The following CASS4 variants were observed in gnomAD, a reference collection of about 807,000 sequenced individuals.
CASS4 encodes cas scaffolding protein family member 4.
Under a neutral mutation model 54.2 loss-of-function variants are expected in CASS4, and 22 were observed. The observed-to-expected ratio is 0.41, with a 90% confidence interval of 0.29 to 0.58. CASS4 has a LOEUF of 0.58. Ranked by LOEUF, CASS4 falls within the 20% of genes least tolerant of loss-of-function variation. The pLI is 0.36. For synonymous variants in CASS4, 409 were observed against 391.5 expected (o/e 1.04, Z -0.53); for missense variants, 854 against 986.7 (o/e 0.87, Z 1.80).
In CASS4 at chr20:56,430,531, C is replaced by T. The variant is rs925199195; in HGVS notation, c.37-6633C>T. Among the ~76,000 whole-genome samples, 13 of 152,202 alleles carry T rather than the reference C, an allele frequency of 8.5e-5. No individual in the cohort carries two copies. The highest frequency in any genetic ancestry group is 3.1e-4 in the African/African-American group (13 of 41,438). ...CTATTTAAGAATACCTTGTGAGTGG[C>T]CTCAGCAACCATTGCAATGGTTACT... On this transcript the variant is annotated intron_variant, in intron 1 of 5. Coordinates refer to ENST00000679887, the MANE Select transcript of CASS4 (RefSeq NM_020356.4). The surrounding 1 kb of genome is among the most constrained non-coding windows in gnomAD (Gnocchi z 4.2).
At chr20:56,457,048 T>G (rs1981334279) in intron 5 of CASS4, among the ~76,000 whole-genome samples, 1 of 152,202 alleles carries the variant, frequency 6.6e-6, no homozygotes, top group African/African-American at 2.4e-5. Flanking sequence ...AATCTTTCCT[T>G]CACTTTCTAT....
chr20:56,421,771 G>A (rs1296403245), intron 1 of CASS4, among the ~76,000 whole-genome samples: 2 of 151,992 alleles, frequency 1.3e-5, no homozygotes, highest in African/African-American at 2.4e-5. Flanking sequence ...AATTGCTTAC[G>A]ACCCATCAAA....
chr20:56,445,759 A>T, intron 2 of CASS4, 141 bp from the exon 3 acceptor site: 1 of 599,648 alleles, frequency 1.7e-6, no homozygotes, highest in Non-Finnish European at 2.9e-6. Flanking sequence ...GAGAGTGAAG[A>T]GCCTGCCAGC....
rs1981067392 is a variant in CASS4 at position 56,452,374 on chromosome 20, G to C, written c.1198G>C (p.Gly400Arg). The change falls in exon 5 of 6, where the codon GGT becomes CGT. Residue 400 changes from glycine (G) to arginine (R), a missense_variant. Transcript: ENST00000679887. The stretch of plus-strand genomic sequence containing the variant: ...ATCTCCTGAACCGGACAGATTATCA[G>C]GTTCCAGTTCTGACAGCAGAGCTAG... ...SPSPEPDRLS[G>R]SSSDSRASIV... is the part of the protein sequence containing the mutation. The C allele has an allele frequency of 6.2e-7, 1 of 1,614,008 alleles. No homozygotes were observed. Among genetic ancestry groups the C allele is most frequent in the Non-Finnish European group, 8.5e-7 (1 of 1,180,042 alleles).
In CASS4 at chr20:56,442,044, CG is replaced by C. The variant is rs201945789; in HGVS notation, c.460-3852del. Among the ~76,000 whole-genome samples, 32 of 149,140 alleles carry C rather than the reference CG, an allele frequency of 2.1e-4. 1 individual carries two copies. The East Asian group carries it at 5.4e-3, about 25-fold the overall frequency. Reference sequence around the variant, plus strand: ...CCAAATGGAAGCGGCTGTTGGTAGACGGGGCAACTCTGAGCCACGGGTTTTG... The same window carrying C: ...CCAAATGGAAGCGGCTGTTGGTAGACGGGCAACTCTGAGCCACGGGTTTTG... On this transcript the variant is annotated intron_variant, in intron 2 of 5. Transcript: ENST00000679887.
At chr20:56,432,334 A>G (rs958250479) in intron 1 of CASS4, among the ~76,000 whole-genome samples, 3 of 146,002 alleles carry the variant, frequency 2.1e-5, no homozygotes, top group African/African-American at 7.5e-5. Flanking sequence ...TCTGCAAAGT[A>G]GCATGTAAGT....
intron 5 of CASS4, among the ~76,000 whole-genome samples, chr20:56,455,300 A>G (rs1981238000): frequency 6.6e-6 from 1 of 152,214 alleles, no homozygotes; most frequent in Non-Finnish European, 1.5e-5. Flanking sequence ...AAGCCAGTAG[A>G]AGTTAAGAGG....
At chr20:56,422,334 C>T (rs145988272) in intron 1 of CASS4, among the ~76,000 whole-genome samples, 176 of 152,300 alleles carry the variant, frequency 1.2e-3, no homozygotes, top group African/African-American at 4.2e-3. Flanking sequence ...GCCTGAGAGA[C>T]CTTTATTGTT....
intron 5 of CASS4, among the ~76,000 whole-genome samples, chr20:56,454,592 C>T (rs1981197145): frequency 6.6e-6 from 1 of 152,164 alleles, no homozygotes; most frequent in South Asian, 2.1e-4. Flanking sequence ...CTAAAGTGAA[C>T]TTAAACAGTT....
chr20:56,431,239 A>G (rs1979889639), intron 1 of CASS4, among the ~76,000 whole-genome samples: 2 of 152,238 alleles, frequency 1.3e-5, no homozygotes, highest in Admixed American at 1.3e-4. Flanking sequence ...AGTGCATCCA[A>G]CACAAAATAG....
intron 2 of CASS4, among the ~76,000 whole-genome samples, chr20:56,444,911 G>C (rs1367031180): frequency 2.0e-5 from 3 of 152,140 alleles, no homozygotes; most frequent in Admixed American, 2.0e-4. Flanking sequence ...GGGAGTTCAA[G>C]ACCAGCCCGA....
chr20:56,428,113 G>C (rs898615886), intron 1 of CASS4, among the ~76,000 whole-genome samples: 8 of 152,160 alleles, frequency 5.3e-5, no homozygotes, highest in Non-Finnish European at 8.8e-5. Flanking sequence ...AAGAAAGAAT[G>C]ATATTCTAGG....
At chr20:56,424,775 T>G (rs1979564581) in intron 1 of CASS4, among the ~76,000 whole-genome samples, 1 of 151,030 alleles carries the variant, frequency 6.6e-6, no homozygotes, top group Non-Finnish European at 1.5e-5. Flanking sequence ...CACAGGTTCT[T>G]TCTTGGGTAA....
intron 3 of CASS4, among the ~76,000 whole-genome samples, chr20:56,450,355 T>A (rs1980936356): frequency 6.6e-6 from 1 of 152,116 alleles, no homozygotes; most frequent in African/African-American, 2.4e-5. Flanking sequence ...CAAAGTCCAT[T>A]GTTGAATGTA....
intron 2 of CASS4, among the ~76,000 whole-genome samples, chr20:56,443,313 C>CA (rs1331817646): frequency 1.3e-5 from 2 of 151,094 alleles, no homozygotes; most frequent in Non-Finnish European, 2.9e-5. Context: ...ACTAAAAATA[C>CA]AAAAAAGTAG....
intron 1 of CASS4, among the ~76,000 whole-genome samples, chr20:56,434,719 C>G (rs1036791872): frequency 2.0e-5 from 3 of 151,838 alleles, no homozygotes; most frequent in African/African-American, 7.3e-5. Flanking sequence ...GCTGGGATTA[C>G]AGACATGAGC....
At chr20:56,432,662 C>T (rs1979965372) in intron 1 of CASS4, among the ~76,000 whole-genome samples, 4 of 152,084 alleles carry the variant, frequency 2.6e-5, no homozygotes, top group African/African-American at 9.7e-5. Flanking sequence ...ACCATCACAC[C>T]CAGCCTAAGT....
chr20:56,421,637 A>C (rs1442684293), intron 1 of CASS4, among the ~76,000 whole-genome samples: 3 of 152,332 alleles, frequency 2.0e-5, no homozygotes, highest in Non-Finnish European at 4.4e-5. Flanking sequence ...TCGAGGCTGC[A>C]GTGAGCTGTG....
intron 1 of CASS4, among the ~76,000 whole-genome samples, chr20:56,417,547 G>A (rs1284801946): frequency 6.6e-6 from 1 of 152,126 alleles, no homozygotes; most frequent in Non-Finnish European, 1.5e-5. Flanking sequence ...TTCCTCTCTG[G>A]GAACGAAACT....
Sources: allele counts gnomAD v4.1 joint callset (sites outside exome capture counted in the v4.1 genomes callset), GRCh38; gene constraint gnomAD v4.1.1; non-coding constraint Gnocchi (gnomAD v3.1); transcripts MANE v1.5; gene names NCBI Gene and HGNC (gene_info 2026-07-23, HGNC 2026-07-21).